SPIDR: variants seen among roughly 807,000 people sequenced by gnomAD.
The protein encoded by SPIDR is scaffold protein involved in DNA repair.
Under a neutral mutation model 104.6 loss-of-function variants are expected in SPIDR, and 93 were observed. The ratio of observed to expected loss-of-function variants is 0.89; its 90% CI spans 0.75 to 1.06. The LOEUF (loss-of-function observed/expected upper bound fraction) is 1.06, where lower values mean the gene tolerates loss of function less well. Among genes scored for constraint, SPIDR ranks in the 50% least tolerant of loss-of-function variants. SPIDR has a pLI of 0.00. For synonymous variants in SPIDR, 431 were observed against 416.9 expected (o/e 1.03, Z -0.41); for missense variants, 1,154 against 1,111.2 (o/e 1.04, Z -0.55).
chr8:47,592,667 C>T (rs538057162), intron 8 of SPIDR: 11 of 819,728 alleles, frequency 1.3e-5, no homozygotes, highest in African/African-American at 1.2e-4. Flanking sequence ...GCCTCACGCA[C>T]GAGTAGAAGT....
intron 7 of SPIDR, among the ~76,000 whole-genome samples, chr8:47,422,997 G>T (rs1194414604): frequency 6.6e-6 from 1 of 152,102 alleles, no homozygotes; most frequent in Non-Finnish European, 1.5e-5. Context: ...AGAAGGTATT[G>T]AGTTTGACTT....
chr8:47,320,207 T>C (rs563341745), intron 5 of SPIDR, among the ~76,000 whole-genome samples: 1 of 152,074 alleles, frequency 6.6e-6, no homozygotes, highest in African/African-American at 2.4e-5. Context: ...CTAGAAAGAT[T>C]ACTAAAAGAG....
intron 5 of SPIDR, among the ~76,000 whole-genome samples, chr8:47,345,426 G>C (rs920677762): frequency 2.6e-5 from 4 of 152,176 alleles, no homozygotes; most frequent in Admixed American, 6.5e-5. Context: ...TTTTGGCTTA[G>C]GATTGACTTG....
At chr8:47,469,118 A>G (rs782005180) in intron 8 of SPIDR, among the ~76,000 whole-genome samples, 44 of 152,376 alleles carry the variant, frequency 2.9e-4, no homozygotes, top group Middle Eastern at 6.8e-3. Context: ...TCATTAGAGA[A>G]ATGCAAATCA....
chr8:47,305,579 T>G (rs946920095), intron 5 of SPIDR, among the ~76,000 whole-genome samples: 2 of 152,234 alleles, frequency 1.3e-5, no homozygotes, highest in African/African-American at 4.8e-5. Flanking sequence ...GAGTGTATTA[T>G]AATCTTGCAG....
intron 10 of SPIDR, among the ~76,000 whole-genome samples, chr8:47,662,455 G>C (rs2074271012): frequency 6.6e-6 from 1 of 152,134 alleles, no homozygotes; most frequent in Non-Finnish European, 1.5e-5. Flanking sequence ...ACTAGCCAAT[G>C]AGCACTACTT....
intron 9 of SPIDR, among the ~76,000 whole-genome samples, chr8:47,597,073 GT>G (rs1408636693): frequency 6.6e-6 from 1 of 152,068 alleles, no homozygotes; most frequent in African/African-American, 2.4e-5. Context: ...CAGATAACTT[GT>G]TTTTTAACAA....
chr8:47,323,967 C>A (rs1249984244), intron 5 of SPIDR, among the ~76,000 whole-genome samples: 2 of 152,020 alleles, frequency 1.3e-5, no homozygotes, highest in Non-Finnish European at 2.9e-5. Flanking sequence ...AAATTATTTT[C>A]TTGAATTTTA....
intron 8 of SPIDR, among the ~76,000 whole-genome samples, chr8:47,499,335 G>C (rs753481807): frequency 7.9e-5 from 12 of 152,124 alleles, no homozygotes. Flanking sequence ...ATGTATGTTT[G>C]CACCAGTGTT....
intron 10 of SPIDR, among the ~76,000 whole-genome samples, chr8:47,626,279 A>T (rs528846261): frequency 6.6e-6 from 1 of 152,372 alleles, no homozygotes; most frequent in South Asian, 2.1e-4. Context: ...TAAAACCATA[A>T]AAACCCTAGA....
chr8:47,309,250 G>A (rs1281000848), intron 5 of SPIDR, among the ~76,000 whole-genome samples: 2 of 152,150 alleles, frequency 1.3e-5, no homozygotes, highest in Non-Finnish European at 2.9e-5. Context: ...TTTAATTATA[G>A]AAACATTGTA....
chr8:47,723,694 G>T (rs1305964311), intron 16 of SPIDR, among the ~76,000 whole-genome samples: 1 of 152,246 alleles, frequency 6.6e-6, no homozygotes, highest in Non-Finnish European at 1.5e-5. Context: ...CTCCCAAAGT[G>T]CTGGGATTAC....
rs747907713 is a variant in SPIDR at position 47,712,882 on chromosome 8, C to A, written c.2188+10C>A. ...GCTCTCCGTGACCAGGGTGTGCTTG[C>A]GTCTCCACAGCTTTGATGCAGGGGC... On this transcript the variant is annotated intron_variant, in intron 15 of 19. Transcript: ENST00000297423. 1.2e-6 allele frequency: 2 copies of A among 1,613,752 alleles called. No homozygotes were observed. The highest frequency in any genetic ancestry group is 2.2e-5 in the South Asian group (2 of 91,060).
chr8:47,692,074 G>A (rs1231891945), intron 11 of SPIDR, among the ~76,000 whole-genome samples: 2 of 152,176 alleles, frequency 1.3e-5, no homozygotes, highest in Non-Finnish European at 2.9e-5. Flanking sequence ...GTTCAAGAAA[G>A]TATAGCAATG....
chr8:47,282,337 G>A (rs1586290941), intron 2 of SPIDR, among the ~76,000 whole-genome samples: 1 of 152,208 alleles, frequency 6.6e-6, no homozygotes, highest in South Asian at 2.1e-4. Flanking sequence ...CTCTAGCTAC[G>A]AAAGTCTTAA....
chr8:47,567,313 G>A (rs1277337249), intron 8 of SPIDR, among the ~76,000 whole-genome samples: 5 of 151,662 alleles, frequency 3.3e-5, no homozygotes, highest in Admixed American at 1.3e-4. Flanking sequence ...TCTGCCTCCC[G>A]GGTTCAAGCA....
chr8:47,400,328 T>C (rs2061711787), intron 6 of SPIDR, among the ~76,000 whole-genome samples: 1 of 152,222 alleles, frequency 6.6e-6, no homozygotes. Context: ...CATTTTCTTC[T>C]TGTGATTTCT....
chr8:47,735,243 GTGT>G, intron 19 of SPIDR, 61 bp from the exon 20 acceptor site: 8 of 1,528,726 alleles, frequency 5.2e-6, no homozygotes, highest in South Asian at 1.1e-5. Flanking sequence ...CTGGTTTTCC[GTGT>G]TGTTGGGAAC....
intron 8 of SPIDR, among the ~76,000 whole-genome samples, chr8:47,468,348 A>C (rs1291571752): frequency 2.0e-5 from 3 of 152,128 alleles, no homozygotes; most frequent in Non-Finnish European, 4.4e-5. Context: ...AACTAATAAA[A>C]ACTATTTTCA....
Sources: allele counts gnomAD v4.1 joint callset (sites outside exome capture counted in the v4.1 genomes callset), GRCh38; gene constraint gnomAD v4.1.1; transcripts MANE v1.5; gene names NCBI Gene and HGNC (gene_info 2026-07-23, HGNC 2026-07-21).